Variants in CWF19L2 observed in about 807,000 individuals in gnomAD.
The protein encoded by CWF19L2 is CWF19 like cell cycle control factor 2, also known as CWF19-like protein 2.
Under a neutral mutation model 111.7 loss-of-function variants are expected in CWF19L2, and 98 were observed. The observed-to-expected ratio is 0.88, with a 90% CI of 0.75 to 1.04. The LOEUF is 1.04. Among genes scored for constraint, CWF19L2 ranks in the 50% least tolerant of loss-of-function variants. The pLI, the probability that CWF19L2 is intolerant of heterozygous loss-of-function variation, is 0.00. For synonymous variants in CWF19L2, 351 were observed against 342.9 expected (o/e 1.02, Z -0.26); for missense variants, 1,101 against 1,051.4 (o/e 1.05, Z -0.65).
In CWF19L2 at chr11:107,360,689, T is replaced by C. The variant is rs56346953; in HGVS notation, c.1873-6953A>G. On this transcript the variant is annotated intron_variant, in intron 12 of 17. Transcript: ENST00000282251. The stretch of plus-strand genomic sequence containing the variant: ...TTAATAGTAGCCATTCTGGCTGGGG[T>C]ACGATAATATCTCACTGTGGTTTTA... 7.4e-3 allele frequency among the ~76,000 whole-genome samples: 1,131 copies of C among 152,334 alleles called. 10 individuals carry two copies. Among genetic ancestry groups the C allele is most frequent in the Non-Finnish European group, 0.012 (800 of 68,030 alleles).
At chr11:107,352,272 C>T (rs1489572852) in intron 13 of CWF19L2, among the ~76,000 whole-genome samples, 1 of 66,098 alleles carries the variant, frequency 1.5e-5, no homozygotes, top group Non-Finnish European at 2.9e-5. Context: ...ATTCCTCTTT[C>T]GTGTTCCCAC....
intron 16 of CWF19L2, among the ~76,000 whole-genome samples, chr11:107,330,708 T>C (rs1859837602): frequency 7.0e-6 from 1 of 143,698 alleles, no homozygotes; most frequent in Non-Finnish European, 1.5e-5. Flanking sequence ...ATTTCATGAC[T>C]AGGAAAAGCC....
At position 107,326,854 on chromosome 11, in the gene CWF19L2, A is replaced by G; in HGVS notation, c.*56T>C. On this transcript the variant is annotated 3_prime_UTR_variant, in exon 18 of 18. Coordinates refer to ENST00000282251, the MANE Select transcript of CWF19L2 (RefSeq NM_152434.3). ...GAGGGTCAGTTGCTTCATTAGATGC[A>G]ATGGAAATAAAACTGAACGGGATCT... 1 of 1,455,170 alleles carries G rather than the reference A, an allele frequency of 6.9e-7. No homozygotes were observed. Among genetic ancestry groups the G allele is most frequent in the Non-Finnish European group, 9.3e-7 (1 of 1,077,764 alleles). The allele number at this position is 1,455,170 out of a possible 1,614,324, so 90.1% of individuals were successfully genotyped here.
chr11:107,410,277 A>C (rs1370932590), intron 10 of CWF19L2, among the ~76,000 whole-genome samples: 2 of 151,154 alleles, frequency 1.3e-5, no homozygotes, highest in Non-Finnish European at 2.9e-5. Context: ...TTCCACTCTG[A>C]TTTCTAAAAA....
At chr11:107,330,627 TACACACACCCCCCCCACCACAC>T in intron 16 of CWF19L2, among the ~76,000 whole-genome samples, 1 of 140,426 alleles carries the variant, frequency 7.1e-6, no homozygotes, top group East Asian at 2.1e-4. Flanking sequence ...TTTCTCTCTC[TACACACACCCCCCCCACCACAC>T]ACACACACAC....
chr11:107,444,036 T>G (rs1861668489), intron 3 of CWF19L2, among the ~76,000 whole-genome samples: 1 of 151,698 alleles, frequency 6.6e-6, no homozygotes, highest in African/African-American at 2.4e-5. Context: ...TATCTTCTCC[T>G]CTCACGGCAT....
At chr11:107,421,608 C>T (rs1861303815) in intron 8 of CWF19L2, among the ~76,000 whole-genome samples, 1 of 152,010 alleles carries the variant, frequency 6.6e-6, no homozygotes, top group Non-Finnish European at 1.5e-5. Context: ...TGTTCGGCAT[C>T]AGTAGTCATT....
chr11:107,420,940 A>G (rs978791538), intron 8 of CWF19L2, among the ~76,000 whole-genome samples: 1 of 151,660 alleles, frequency 6.6e-6, no homozygotes, highest in Non-Finnish European at 1.5e-5. Flanking sequence ...CTATCAACTA[A>G]CATGCCCAAA....
In CWF19L2 at chr11:107,373,089, G is replaced by A. The variant is rs1860538342; in HGVS notation, c.1872+16985C>T. ...CGGCTTAAAAAACGGCACACTACGA[G>A]ATTATATCCCGCACCTGGCTCGGAG... On this transcript the variant is annotated intron_variant, in intron 12 of 17. Coordinates refer to ENST00000282251, the MANE Select transcript of CWF19L2 (RefSeq NM_152434.3). Among the ~76,000 whole-genome samples, 11 of 73,728 alleles carry A rather than the reference G, an allele frequency of 1.5e-4. 5 individuals are homozygous for A. The South Asian group carries it at 4.1e-3, about 28-fold the overall frequency. The allele number at this position is 73,728 out of a possible 152,430, so 48.4% of individuals were successfully genotyped here. A position where few individuals can be genotyped will look rare whatever the true frequency, so the allele number is the denominator to read the frequency against.
intron 8 of CWF19L2, among the ~76,000 whole-genome samples, chr11:107,428,581 T>C (rs965302146): frequency 7.3e-6 from 1 of 137,534 alleles, no homozygotes; most frequent in African/African-American, 2.9e-5. Flanking sequence ...TGAACAAATA[T>C]AGCTACTGCT....
intron 15 of CWF19L2, among the ~76,000 whole-genome samples, chr11:107,336,357 G>A (rs1330749171): frequency 6.6e-6 from 1 of 152,216 alleles, no homozygotes; most frequent in South Asian, 2.1e-4. Context: ...ATGTTGGCCA[G>A]GCTGGTCTTG....
chr11:107,455,909 G>A, intron 1 of CWF19L2, 133 bp from the exon 2 acceptor site: 7 of 544,276 alleles, frequency 1.3e-5, no homozygotes, highest in Non-Finnish European at 1.3e-5. Flanking sequence ...TCCTTGCCAG[G>A]GATTTGCTTC....
intron 8 of CWF19L2, among the ~76,000 whole-genome samples, chr11:107,421,893 A>C (rs138755018): frequency 6.6e-6 from 1 of 152,130 alleles, no homozygotes; most frequent in East Asian, 1.9e-4. Flanking sequence ...ATGTCAACAC[A>C]AAGATTTGTA....
At chr11:107,415,312 C>T (rs928746650) in intron 10 of CWF19L2, among the ~76,000 whole-genome samples, 2 of 152,178 alleles carry the variant, frequency 1.3e-5, no homozygotes, top group African/African-American at 4.8e-5. Flanking sequence ...TACACTTTTT[C>T]AACAGAATTG....
rs185123782 is a variant in CWF19L2, at chr11:107,447,261, C to T, written c.340-4212G>A. ...CTGAGCAAAGGAAACGGAATTTGAA[C>T]TTTGTGAAGGCTGAAACAAAAGTAC... is the stretch of plus-strand genomic sequence containing the variant. On this transcript the variant is annotated intron_variant, in intron 3 of 17. Transcript: ENST00000282251. 9.2e-5 allele frequency among the ~76,000 whole-genome samples: 14 copies of T among 152,226 alleles called. No homozygotes were observed. In the East Asian group the frequency reaches 1.9e-3, roughly 21 times the overall value.
intron 6 of CWF19L2, among the ~76,000 whole-genome samples, chr11:107,438,345 G>C (rs532949770): frequency 6.6e-6 from 1 of 152,204 alleles, no homozygotes; most frequent in Non-Finnish European, 1.5e-5. Context: ...TAAATATTTT[G>C]TCTCCATCTG....
At chr11:107,441,112 A>G (rs1358743252) in intron 5 of CWF19L2, among the ~76,000 whole-genome samples, 2 of 152,208 alleles carry the variant, frequency 1.3e-5, no homozygotes, top group Non-Finnish European at 2.9e-5. Context: ...AGTGACAACA[A>G]TAAAGTATAA....
At chr11:107,332,144 G>A (rs1179455343) in intron 16 of CWF19L2, among the ~76,000 whole-genome samples, 3 of 152,294 alleles carry the variant, frequency 2.0e-5, no homozygotes, top group East Asian at 1.9e-4. Flanking sequence ...ACATTCTCGT[G>A]AGAAGTGCTT....
At chr11:107,361,519 T>C (rs1469583355) in intron 12 of CWF19L2, among the ~76,000 whole-genome samples, 1 of 152,206 alleles carries the variant, frequency 6.6e-6, no homozygotes, top group Non-Finnish European at 1.5e-5. Context: ...AAAAATGCTG[T>C]TGGTATGTTG....
Sources: allele counts gnomAD v4.1 joint callset (sites outside exome capture counted in the v4.1 genomes callset), GRCh38; gene constraint gnomAD v4.1.1; transcripts MANE v1.5; gene names NCBI Gene and HGNC (gene_info 2026-07-23, HGNC 2026-07-21).